Variants in THUMPD2 observed in about 807,000 individuals in gnomAD.
The protein encoded by THUMPD2 is THUMP domain 2 tRNA and snRNA guanosine methyltransferase, also known as U6 snRNA (guanine-N(2))-methyltransferase THUMPD2.
A neutral mutation model predicts 49.4 loss-of-function variants in THUMPD2; 56 were observed. That is an observed-to-expected ratio of 1.13 (90% confidence interval 0.91 to 1.41). The LOEUF (loss-of-function observed/expected upper bound fraction) is 1.41, where lower values mean the gene tolerates loss of function less well. THUMPD2 is among the 40% of genes most tolerant of loss of function. THUMPD2 has a pLI of 0.00. For missense variants in THUMPD2, 709 were observed against 594.5 expected (o/e 1.19, Z -2.00); for synonymous variants, 237 against 205.2 (o/e 1.15, Z -1.32).
rs1426797310 is a variant in THUMPD2, at chr2:39,755,899, T to G, written c.953A>C (p.Lys318Thr). 9 of 1,613,754 alleles carry G rather than the reference T, an allele frequency of 5.6e-6. No individual in the cohort carries two copies. In the South Asian group the frequency reaches 6.6e-5, roughly 12 times the overall value. ...GLGTILLEAA[K>T]EWPDVYYVGA... The stretch of plus-strand genomic sequence containing the variant: ...AACTTTAGAACTTACTGGCCATTCT[T>G]TAGCAGCTTCCAAAAGTATTGTTCC... The change falls in exon 7 of 10, where the codon AAA (lysine) becomes ACA (threonine). Residue 318 changes from lysine to threonine, a missense_variant. By Grantham distance (78) the Lys-to-Thr change is moderately conservative (BLOSUM62 -1). Transcript: ENST00000505747.
At chr2:39,757,179 A>T in intron 6 of THUMPD2, 1 of 359,730 alleles carries the variant, frequency 2.8e-6, no homozygotes, top group Admixed American at 3.8e-5. Context: ...CAAAGGCACT[A>T]TGAGGTTCTG....
chr2:39,750,345 A>C (rs935565728), intron 8 of THUMPD2, among the ~76,000 whole-genome samples: 7 of 152,178 alleles, frequency 4.6e-5, no homozygotes, highest in South Asian at 2.1e-4. Flanking sequence ...TTCTCTAATG[A>C]TCAGTGATGT....
intron 9 of THUMPD2, among the ~76,000 whole-genome samples, chr2:39,741,174 A>G (rs1279869833): frequency 6.6e-6 from 1 of 152,212 alleles, no homozygotes; most frequent in African/African-American, 2.4e-5. Flanking sequence ...GGAAGTCTGT[A>G]TCAAACAGCA....
intron 5 of THUMPD2, among the ~76,000 whole-genome samples, chr2:39,763,728 C>T (rs1304805568): frequency 6.6e-6 from 1 of 152,142 alleles, no homozygotes; most frequent in Non-Finnish European, 1.5e-5. Flanking sequence ...GATCACATCA[C>T]TCTTCTGCTT....
intron 1 of THUMPD2, among the ~76,000 whole-genome samples, chr2:39,772,820 T>C (rs550304668): frequency 6.6e-6 from 1 of 152,190 alleles, no homozygotes; most frequent in Non-Finnish European, 1.5e-5. Context: ...GCAGCTACCA[T>C]CCATGGGTAC....
chr2:39,760,719 G>C (rs10196026), intron 6 of THUMPD2, among the ~76,000 whole-genome samples: 6,138 of 152,036 alleles, frequency 0.04, 424 homozygotes, highest in African/African-American at 0.14. Flanking sequence ...AAGACAGTGA[G>C]ACTTAAATTT....
In THUMPD2 at chr2:39,744,598, T is replaced by C. The variant is rs1010564252; in HGVS notation, c.1079-120A>G. On this transcript the variant is annotated intron_variant, in intron 8 of 9. Coordinates refer to ENST00000505747, the MANE Select transcript of THUMPD2 (RefSeq NM_025264.5). ...GTAACAGATTAACATTTAGGGTTGC[T>C]AATATTGTTTTAAAGTAATTACAAG... 1.0e-5 allele frequency: 6 copies of C among 592,660 alleles called. No individual in the cohort carries two copies. In the Admixed American group the frequency reaches 2.0e-4, roughly 20 times the overall value. The allele number at this position is 592,660 out of a possible 1,614,324, so 36.7% of individuals were successfully genotyped here.
Position 39,779,100 on chromosome 2 carries a change from C to T in THUMPD2, c.126+14G>A, listed in dbSNP as rs1457320677. 6.7e-7 allele frequency: 1 copy of T among 1,499,798 alleles called. No individual in the cohort carries two copies. The highest frequency in any genetic ancestry group is 2.2e-5 in the Admixed American group (1 of 46,370). 92.9% of individuals were successfully genotyped at this position (1,499,798 alleles called of 1,614,324 possible). ...GCCGCCCACCTCCCCAGGCGCGCAG[C>T]GAGGCCAACTCACCTGCGTGGCCGC... On this transcript the variant is annotated intron_variant, in intron 1 of 9. Transcript: ENST00000505747.
chr2:39,740,627 T>A (rs563576949), intron 9 of THUMPD2, among the ~76,000 whole-genome samples: 2 of 152,294 alleles, frequency 1.3e-5, no homozygotes, highest in Admixed American at 6.5e-5. Context: ...TTCTTTTTTT[T>A]TATTTTTTTA....
At chr2:39,737,140 T>C (rs1673193133) in intron 9 of THUMPD2, 81 bp from the exon 10 acceptor site, 2 of 1,300,182 alleles carry the variant, frequency 1.5e-6, no homozygotes, top group East Asian at 2.5e-5. Context: ...AAATGGTTCA[T>C]GTTTTTAATT....
chr2:39,765,691 T>TA (rs1677426103), intron 5 of THUMPD2, among the ~76,000 whole-genome samples: 1 of 152,022 alleles, frequency 6.6e-6, no homozygotes, highest in Non-Finnish European at 1.5e-5. Context: ...TCAAAGAATT[T>TA]AAAAAAACCA....
intron 8 of THUMPD2, among the ~76,000 whole-genome samples, chr2:39,753,169 T>C (rs1176394043): frequency 6.6e-6 from 1 of 152,198 alleles, no homozygotes; most frequent in Non-Finnish European, 1.5e-5. Context: ...TATGCTCTCC[T>C]CATTAGCCAA....
chr2:39,750,661 T>G (rs545431669), intron 8 of THUMPD2, among the ~76,000 whole-genome samples: 1 of 151,994 alleles, frequency 6.6e-6, no homozygotes, highest in South Asian at 2.1e-4. Context: ...GAGCCAAGAT[T>G]GCACCACTGC....
intron 4 of THUMPD2, among the ~76,000 whole-genome samples, chr2:39,766,479 T>G (rs1291509764): frequency 6.6e-6 from 1 of 152,150 alleles, no homozygotes; most frequent in Non-Finnish European, 1.5e-5. Context: ...TCAAATAGGA[T>G]GCGAGGCCAC....
intron 6 of THUMPD2, among the ~76,000 whole-genome samples, chr2:39,760,111 G>A (rs1467037155): frequency 6.6e-6 from 1 of 152,170 alleles, no homozygotes; most frequent in Non-Finnish European, 1.5e-5. Context: ...AAACCCAAGA[G>A]CATACTCAAG....
At chr2:39,769,048 T>C (rs2148330071) in intron 3 of THUMPD2, 1 of 1,304,670 alleles carries the variant, frequency 7.7e-7, no homozygotes, top group African/African-American at 1.5e-5. Context: ...TGAGACCTCA[T>C]GTGCATTTGC....
chr2:39,736,375 T>C lies in THUMPD2; in HGVS notation c.*360A>G, dbSNP rs2148135747. 1 of 168,224 alleles carries C rather than the reference T, an allele frequency of 5.9e-6. No individual in the cohort carries two copies. The highest frequency in any genetic ancestry group is 2.0e-4 in the South Asian group (1 of 5,116). 10.4% of individuals were successfully genotyped at this position (168,224 alleles called of 1,614,324 possible). A position where few individuals can be genotyped will look rare whatever the true frequency, so the allele number is the denominator to read the frequency against. ...AAAGGTTTTTACATTTCCGAAAATC[T>C]GATAGTTAAAATATCCCGTCTGGTG... On this transcript the variant is annotated 3_prime_UTR_variant, in exon 10 of 10. Coordinates refer to ENST00000505747, the MANE Select transcript of THUMPD2 (RefSeq NM_025264.5).
intron 5 of THUMPD2, among the ~76,000 whole-genome samples, chr2:39,764,079 T>C (rs1677189115): frequency 6.6e-6 from 1 of 152,232 alleles, no homozygotes; most frequent in Non-Finnish European, 1.5e-5. Flanking sequence ...ACTTTCTTAT[T>C]GCTTTCAAGT....
chr2:39,764,591 T>C (rs958411753), intron 5 of THUMPD2, among the ~76,000 whole-genome samples: 1 of 152,246 alleles, frequency 6.6e-6, no homozygotes, highest in Non-Finnish European at 1.5e-5. Context: ...TGTGATCCTT[T>C]AACTTCATGG....
Sources: allele counts gnomAD v4.1 joint callset (sites outside exome capture counted in the v4.1 genomes callset), GRCh38; gene constraint gnomAD v4.1.1; transcripts MANE v1.5; gene names NCBI Gene and HGNC (gene_info 2026-07-23, HGNC 2026-07-21).